Variants in SETD1B observed in about 807,000 individuals in gnomAD.
SETD1B encodes SET domain containing 1B, histone lysine methyltransferase.
Under a neutral mutation model 148.0 loss-of-function variants are expected in SETD1B, and 7 were observed. The observed-to-expected ratio is 0.05, with a 90% CI of 0.03 to 0.09. The LOEUF is 0.09. SETD1B is among the 10% of genes least tolerant of loss of function. The probability of loss-of-function intolerance (pLI) is 1.00; values close to 1 mark genes in which losing one functional copy is unlikely to be tolerated. For missense variants in SETD1B, 2,155 were observed against 2,729.9 expected, an observed-to-expected ratio of 0.79 and a Z score of 4.69; for synonymous variants, 1,361 against 1,186.5, an observed-to-expected ratio of 1.15 and a Z score of -3.02.
Position 121,814,141 on chromosome 12 carries a change from G to A in SETD1B, c.1926G>A (p.Ser642=), listed in dbSNP as rs756930765. The stretch of plus-strand genomic sequence containing the variant: ...CCTCAGGCGAGGACATGGAGATCTC[G>A]GATGACGAGATGCCCTCGGCCCCCA... The part of the protein sequence containing the change: ...QQSSGEDMEI[S]DDEMPSAPIT... The change falls in exon 7 of 17, where the codon TCG becomes TCA. Residue 642 remains serine, a synonymous_variant. Transcript: ENST00000604567. 2.6e-5 allele frequency: 41 copies of A among 1,548,856 alleles called. No homozygotes were observed. Among genetic ancestry groups the A allele is most frequent in the Admixed American group, 1.2e-4 (6 of 50,866 alleles).
chr12:121,793,347 A>T, the SETD1B span: 13 of 1,425,244 alleles, frequency 9.1e-6, no homozygotes, highest in African/African-American at 1.4e-5. Context: ...GCCCCCCCTC[A>T]CCCCGCTGGG....
chr12:121,812,436 G>A (rs775213976), intron 6 of SETD1B, among the ~76,000 whole-genome samples: 1 of 144,504 alleles, frequency 6.9e-6, no homozygotes, highest in Non-Finnish European at 1.5e-5. Flanking sequence ...CTGCAGCACA[G>A]GACCTCAGCT....
the SETD1B span, among the ~76,000 whole-genome samples, chr12:121,798,422 G>GCC: frequency 6.6e-6 from 1 of 152,198 alleles, no homozygotes; most frequent in Non-Finnish European, 1.5e-5. Context: ...AGGCAGCCCA[G>GCC]CCCCCACCCC....
At position 121,804,708 on chromosome 12, in the gene SETD1B, A is replaced by G. The variant is rs1224568482; in HGVS notation, c.-14-16A>G. The G allele has an allele frequency of 1.3e-6, 2 of 1,545,344 alleles. No individual in the cohort carries two copies. Among genetic ancestry groups the G allele is most frequent in the Non-Finnish European group, 1.7e-6 (2 of 1,145,576 alleles). On this transcript the variant is annotated splice_polypyrimidine_tract_variant and intron_variant, in intron 1 of 16. Coordinates refer to ENST00000604567, the MANE Select transcript of SETD1B (RefSeq NM_001353345.2). This position sits in a 1 kb window ranked among gnomAD's most constrained non-coding sequence, Gnocchi z 4.6. ...CGCCGCCGCGGCGGAGACGACAACA[A>G]CTTGCTGGTTTTCAGGTTGGGTTAA...
At position 121,823,229 on chromosome 12, in the gene SETD1B, G is replaced by C; in HGVS notation, c.4650G>C (p.Leu1550=). 1 of 1,549,500 alleles carries C rather than the reference G, an allele frequency of 6.5e-7. No individual in the cohort carries two copies. Among genetic ancestry groups the C allele is most frequent in the Non-Finnish European group, 8.7e-7 (1 of 1,146,828 alleles). The change falls in exon 12 of 17, where the codon CTG becomes CTC. Residue 1550 remains leucine (L), a synonymous_variant. Coordinates refer to ENST00000604567, the MANE Select transcript of SETD1B (RefSeq NM_001353345.2). ...PAGAALGREL[L]LLPGQPQTPV... ...GGGCCGCCCTTGGAAGGGAACTCCT[G>C]CTCCTGCCGGGCCAGCCACAGACCC...
the SETD1B span, among the ~76,000 whole-genome samples, chr12:121,796,937 T>G: frequency 6.6e-6 from 1 of 151,220 alleles, no homozygotes; most frequent in Non-Finnish European, 1.5e-5. Flanking sequence ...ACTCGGAGGC[T>G]GAGGCAGGAG....
rs570634088 is a variant in SETD1B, at chr12:121,818,717, C to T, written c.3419-687C>T. Reference sequence around the variant, plus strand: ...CATCCTGGCTAACACGGTGAAACCCCGTCTCTAATAAAAATACAAAAAATT... The same window carrying T: ...CATCCTGGCTAACACGGTGAAACCCTGTCTCTAATAAAAATACAAAAAATT... On this transcript the variant is annotated intron_variant, in intron 10 of 16. Transcript: ENST00000604567. Among the ~76,000 whole-genome samples, 56 of 151,686 alleles carry T rather than the reference C, an allele frequency of 3.7e-4. 1 individual carries two copies. The highest frequency in any genetic ancestry group is 8.5e-4 in the Admixed American group (13 of 15,230).
the SETD1B span, chr12:121,796,288 G>A: frequency 6.5e-6 from 1 of 152,938 alleles, no homozygotes; most frequent in African/African-American, 2.4e-5. Context: ...GCTGGTTCCT[G>A]ACACAACAGC....
Position 121,805,658 on chromosome 12 carries a change from C to T in SETD1B, c.274-177C>T, listed in dbSNP as rs1272198065. Among the ~76,000 whole-genome samples, 1 of 150,974 alleles carries T rather than the reference C, an allele frequency of 6.6e-6. No homozygotes were observed. Among genetic ancestry groups the T allele is most frequent in the Admixed American group, 6.6e-5 (1 of 15,108 alleles). ...GATTTAATCCTCCGCTTCCCGGGCC[C>T]GCCCGCGTGCATTTTTTTTTTCCAA... On this transcript the variant is annotated intron_variant, in intron 3 of 16. Transcript: ENST00000604567. The surrounding 1 kb of genome is among the most constrained non-coding windows in gnomAD (Gnocchi z 4.2).
intron 7 of SETD1B, 30 bp downstream of exon 7, chr12:121,814,960 G>A: frequency 1.1e-5 from 16 of 1,509,468 alleles, no homozygotes; most frequent in Non-Finnish European, 1.3e-5. Flanking sequence ...GCTCTGCAGG[G>A]TGGCTGTGGA....
At chr12:121,825,513 G>A (rs1170821049) in intron 13 of SETD1B, 147 bp downstream of exon 13, 3 of 650,854 alleles carry the variant, frequency 4.6e-6, no homozygotes, top group Non-Finnish European at 7.6e-6. Context: ...GGGGAGAGGC[G>A]GGTGGGCGGG....
upstream of SETD1B, chr12:121,799,298 C>G (rs1424932008): frequency 6.6e-6 from 1 of 152,244 alleles, no homozygotes; most frequent in Admixed American, 6.5e-5. Flanking sequence ...TATATACAGG[C>G]CTGCCCATTC....
chr12:121,814,436 AT>A lies in SETD1B; in HGVS notation c.2222del (p.Ile741ThrfsTer15). The A allele has an allele frequency of 2.1e-6, 2 of 934,974 alleles. No homozygotes were observed. The highest frequency in any genetic ancestry group is 2.8e-6 in the Non-Finnish European group (2 of 707,808). 57.9% of individuals were successfully genotyped at this position (934,974 alleles called of 1,614,324 possible). On this transcript the variant is annotated frameshift_variant, in exon 7 of 17. Coordinates refer to ENST00000604567, the MANE Select transcript of SETD1B (RefSeq NM_001353345.2). LOFTEE classifies it high-confidence loss of function. ...PAPPGVPPPP[I>X]LPPLPPFPPG... ...GCCGCCTGGAGTCCCGCCCCCACCC[AT>A]CCTGCCACCACTGCCCCCCTTTCCG...
rs191488950 is a variant in SETD1B, at chr12:121,817,245, C to T, written c.2928C>T (p.Gly976=). ...RKEPPDTTSS[G]DQKRLRPSTS... ...AGCCACCAGACACCACCTCATCTGG[C>T]GACCAGAAGCGGCTGCGGCCCTCGA... Residue 976 remains glycine (G), a synonymous_variant, in exon 8 of 17, where the codon GGC becomes GGT. Coordinates refer to ENST00000604567, the MANE Select transcript of SETD1B (RefSeq NM_001353345.2). This position sits in a 1 kb window ranked among gnomAD's most constrained non-coding sequence, Gnocchi z 8.1. 3.5e-4 allele frequency: 544 copies of T among 1,551,028 alleles called. 2 individuals carry two copies. The African/African-American group carries it at 5.8e-3, about 16-fold the overall frequency.
At chr12:121,807,332 G>A (rs1875793101) in intron 4 of SETD1B, among the ~76,000 whole-genome samples, 1 of 151,628 alleles carries the variant, frequency 6.6e-6, no homozygotes, top group East Asian at 1.9e-4. Context: ...GAGGACCTTG[G>A]GTGGCTGCAG....
chr12:121,827,644 G>C lies in SETD1B; in HGVS notation c.5463G>C (p.Gln1821His). Residue 1821 changes from glutamine (Q) to histidine (H), a missense_variant, in exon 14 of 17, where the codon CAG becomes CAC. Around this residue, in one of 11 missense-constraint regions of SETD1B, gnomAD observed 51 missense variants for 162.8 expected, o/e 0.31. Transcript: ENST00000604567. ...ACAGTGACCTGCTCAAGTTCAACCA[G>C]CTCAAGGTGAGGCCGGGCTTCACCC... ...SCDSDLLKFN[Q>H]LKFRKKKLKF... 2 of 1,551,530 alleles carry C rather than the reference G, an allele frequency of 1.3e-6. No homozygotes were observed. Among genetic ancestry groups the C allele is most frequent in the Non-Finnish European group, 1.7e-6 (2 of 1,146,888 alleles).
the SETD1B span, chr12:121,793,632 A>G: frequency 7.8e-6 from 12 of 1,536,998 alleles, no homozygotes; most frequent in Non-Finnish European, 1.0e-5. Context: ...GGGGGCATCC[A>G]TTGCCCGGAG....
rs59528580 is a variant in SETD1B, at chr12:121,831,896, G to GT, written c.*1667dup. 64,024 of 148,598 alleles carry GT rather than the reference G, an allele frequency of 0.43. 15,736 individuals carry two copies. The highest frequency in any genetic ancestry group is 0.6 in the Middle Eastern group (173 of 288). 9.2% of individuals were successfully genotyped at this position (148,598 alleles called of 1,614,324 possible). ...GTGGTTTTGTTGTGTGTTTTTTGTT[G>GT]TTTTTTTTTTATTCCTTTCCCCCAG... On this transcript the variant is annotated 3_prime_UTR_variant, in exon 17 of 17. Transcript: ENST00000604567.
At chr12:121,824,798 A>C (rs1403349450) in intron 12 of SETD1B, among the ~76,000 whole-genome samples, 1 of 152,082 alleles carries the variant, frequency 6.6e-6, no homozygotes, top group East Asian at 1.9e-4. Context: ...GGATCACTTG[A>C]TCTCTGGAGG....
Sources: allele counts gnomAD v4.1 joint callset (sites outside exome capture counted in the v4.1 genomes callset), GRCh38; gene constraint gnomAD v4.1.1; regional missense constraint gnomAD v4.1.1; non-coding constraint Gnocchi (gnomAD v3.1); transcripts MANE v1.5; gene names NCBI Gene and HGNC (gene_info 2026-07-23, HGNC 2026-07-21).